NT5C3A: variants seen among roughly 807,000 people sequenced by gnomAD.
NT5C3A encodes 5'-nucleotidase, cytosolic IIIA.
Under a neutral mutation model 40.0 loss-of-function variants are expected in NT5C3A, and 23 were observed. The observed-to-expected ratio is 0.58, with a 90% CI of 0.41 to 0.81. NT5C3A has a LOEUF of 0.81. Among genes scored for constraint, NT5C3A ranks in the 40% least tolerant of loss-of-function variants. The probability of loss-of-function intolerance (pLI) is 0.00; values close to 1 mark genes in which losing one functional copy is unlikely to be tolerated. For synonymous variants in NT5C3A, 130 were observed against 141.4 expected, an observed-to-expected ratio of 0.92 and a Z score of 0.57; for missense variants, 328 against 403.0, an observed-to-expected ratio of 0.81 and a Z score of 1.59.
chr7:33,052,312 C>T (rs1456393916), intron 1 of NT5C3A, among the ~76,000 whole-genome samples: 3 of 151,826 alleles, frequency 2.0e-5, no homozygotes, highest in Non-Finnish European at 4.4e-5. Context: ...GGTGAAACCT[C>T]GTCTCTACTA....
At chr7:33,037,766 TGA>T (rs1786687712) in intron 1 of NT5C3A, among the ~76,000 whole-genome samples, 1 of 152,218 alleles carries the variant, frequency 6.6e-6, no homozygotes, top group Non-Finnish European at 1.5e-5. Flanking sequence ...ATCTGCAGTA[TGA>T]GTGTGTGTAT....
chr7:33,056,017 G>T (rs1787554479), intron 1 of NT5C3A, among the ~76,000 whole-genome samples: 2 of 152,160 alleles, frequency 1.3e-5, no homozygotes, highest in Admixed American at 6.6e-5. Context: ...GGCTGAGGCA[G>T]GAGGAATACT....
chr7:33,057,690 A>G (rs1021528722), intron 1 of NT5C3A, among the ~76,000 whole-genome samples: 25 of 152,184 alleles, frequency 1.6e-4, no homozygotes, highest in African/African-American at 5.8e-4. Context: ...AACTGGTTGT[A>G]GAGGTTCTAG....
chr7:33,014,511 T>C lies in NT5C3A; in HGVS notation c.*219A>G, dbSNP rs1480059473. 1 of 630,850 alleles carries C rather than the reference T, an allele frequency of 1.6e-6. No homozygotes were observed. The highest frequency in any genetic ancestry group is 2.8e-6 in the Non-Finnish European group (1 of 356,968). The allele number at this position is 630,850 out of a possible 1,614,324, so 39.1% of individuals were successfully genotyped here. On this transcript the variant is annotated 3_prime_UTR_variant, in exon 9 of 9. Transcript: ENST00000610140. ...ATTTTTCTAATTTTAGCTTTTTTTT[T>C]TTTTTAAATGGGTTAAAAGATACGG... is the stretch of plus-strand genomic sequence containing the variant.
intron 1 of NT5C3A, chr7:33,041,118 A>C (rs1185997841): frequency 4.1e-6 from 4 of 985,170 alleles, no homozygotes; most frequent in Non-Finnish European, 4.8e-6. Context: ...GATTAAAGAG[A>C]AGGTAAATCT....
chr7:33,043,697 A>G (rs1277894872), intron 1 of NT5C3A, among the ~76,000 whole-genome samples: 1 of 152,154 alleles, frequency 6.6e-6, no homozygotes, highest in Admixed American at 6.5e-5. Flanking sequence ...AACAGAGAAG[A>G]GAGGGAATAT....
chr7:33,031,055 G>A (rs1170421821), intron 1 of NT5C3A, among the ~76,000 whole-genome samples: 5 of 149,140 alleles, frequency 3.4e-5, no homozygotes, highest in Admixed American at 2.0e-4. Flanking sequence ...AGCCGAGATC[G>A]CGCCACTGCA....
At chr7:33,024,772 A>C (rs1210759727) in intron 2 of NT5C3A, among the ~76,000 whole-genome samples, 2 of 152,214 alleles carry the variant, frequency 1.3e-5, no homozygotes, top group Non-Finnish European at 2.9e-5. Context: ...TGATTATTGC[A>C]CATTTTATAT....
chr7:33,037,106 G>A (rs1302219631), intron 1 of NT5C3A, among the ~76,000 whole-genome samples: 5 of 152,134 alleles, frequency 3.3e-5, no homozygotes, highest in African/African-American at 1.2e-4. Context: ...CACTGCGCCC[G>A]GCCTAAAATC....
chr7:33,047,777 C>A (rs146351624), intron 1 of NT5C3A, among the ~76,000 whole-genome samples: 3 of 151,980 alleles, frequency 2.0e-5, no homozygotes, highest in African/African-American at 7.2e-5. Context: ...TTTATATCAA[C>A]GTGTATTGTA....
At chr7:33,060,812 A>C (rs1190481714) in intron 1 of NT5C3A, among the ~76,000 whole-genome samples, 1 of 152,216 alleles carries the variant, frequency 6.6e-6, no homozygotes, top group Non-Finnish European at 1.5e-5. Flanking sequence ...TCTGACCCCC[A>C]GTCAAATACT....
chr7:33,050,464 G>C (rs1402231960), intron 1 of NT5C3A, among the ~76,000 whole-genome samples: 1 of 152,210 alleles, frequency 6.6e-6, no homozygotes, highest in African/African-American at 2.4e-5. Flanking sequence ...CCATTTGACA[G>C]AGAAATCCAG....
intron 1 of NT5C3A, among the ~76,000 whole-genome samples, chr7:33,050,316 A>G (rs1331132654): frequency 6.6e-6 from 1 of 152,168 alleles, no homozygotes; most frequent in East Asian, 1.9e-4. Context: ...GTCCCAGTGA[A>G]GCCTCCTTTT....
intron 1 of NT5C3A, among the ~76,000 whole-genome samples, chr7:33,038,231 T>C (rs946416295): frequency 6.6e-6 from 1 of 152,020 alleles, no homozygotes. Context: ...TGTGAAACAT[T>C]TGAAAAGCCC....
At chr7:33,019,611 G>A (rs1362422316) in intron 6 of NT5C3A, 24 bp downstream of exon 6, 6 of 1,378,820 alleles carry the variant, frequency 4.4e-6, no homozygotes, top group Non-Finnish European at 6.2e-6. Context: ...AACAATAACA[G>A]CAAAAAACAT....
chr7:33,048,226 G>T (rs1306880942), intron 1 of NT5C3A, among the ~76,000 whole-genome samples: 1 of 151,428 alleles, frequency 6.6e-6, no homozygotes, highest in African/African-American at 2.4e-5. Context: ...TTGATTTTTA[G>T]TAGAGATGAG....
At chr7:33,056,686 T>C in intron 1 of NT5C3A, among the ~76,000 whole-genome samples, 1 of 151,754 alleles carries the variant, frequency 6.6e-6, no homozygotes, top group Non-Finnish European at 1.5e-5. Context: ...TAAAATAAAA[T>C]AAAGTCTATT....
At chr7:33,053,276 C>G (rs1483515350) in intron 1 of NT5C3A, among the ~76,000 whole-genome samples, 1 of 152,124 alleles carries the variant, frequency 6.6e-6, no homozygotes, top group Non-Finnish European at 1.5e-5. Context: ...CAACCTCTGC[C>G]TCCCGGGTTC....
At chr7:33,029,570 G>C (rs1562592728) in intron 1 of NT5C3A, 1 of 875,152 alleles carries the variant, frequency 1.1e-6, no homozygotes, top group Non-Finnish European at 1.6e-6. Context: ...ATATATCATA[G>C]ACTATTTTTT....
Sources: gnomAD v4.1 joint callset for allele counts (sites outside exome capture counted in the v4.1 genomes callset) on GRCh38, gnomAD v4.1.1 for gene constraint, MANE v1.5 for transcripts, NCBI Gene and HGNC (gene_info 2026-07-23, HGNC 2026-07-21) for gene names.